NOMO1: variants seen among roughly 807,000 people sequenced by gnomAD.
NOMO1 encodes the protein nodal modulator 3.
A neutral mutation model predicts 133.8 loss-of-function variants in NOMO1; 40 were observed. The ratio of observed to expected loss-of-function variants is 0.30; its 90% confidence interval spans 0.23 to 0.39. The LOEUF is 0.39. NOMO1 is among the 10% of genes least tolerant of loss of function. NOMO1 has a pLI of 1.00. For synonymous variants in NOMO1, 236 were observed against 570.5 expected, an observed-to-expected ratio of 0.41 and a Z score of 8.36; for missense variants, 462 against 1,419.9, an observed-to-expected ratio of 0.33 and a Z score of 10.84.
intron 5 of NOMO1, among the ~76,000 whole-genome samples, chr16:14,847,896 A>G (rs1308763484): frequency 6.6e-6 from 1 of 152,060 alleles, no homozygotes; most frequent in Admixed American, 6.5e-5. Flanking sequence ...TGTAGCAGGA[A>G]TATGAAGCTG....
chr16:14,872,089 T>C (rs1597107182), intron 17 of NOMO1, 145 bp from the exon 18 acceptor site: 2 of 822,354 alleles, frequency 2.4e-6, no homozygotes, highest in East Asian at 4.9e-5. Flanking sequence ...AAAATACTTC[T>C]CTGGATCTCC....
chr16:14,879,134 G>A (rs796900416), intron 23 of NOMO1, among the ~76,000 whole-genome samples: 1 of 151,912 alleles, frequency 6.6e-6, no homozygotes, highest in African/African-American at 2.4e-5. Flanking sequence ...GTTTTGCCAC[G>A]GAATCATGCT....
chr16:14,867,168 A>G (rs1488409230), intron 15 of NOMO1, among the ~76,000 whole-genome samples: 9 of 16,314 alleles, frequency 5.5e-4, no homozygotes, highest in Admixed American at 1.3e-3. Flanking sequence ...ATATATATAT[A>G]TATATATATT....
chr16:14,866,833 A>G, intron 15 of NOMO1, 142 bp downstream of exon 15: 4 of 1,563,458 alleles, frequency 2.6e-6, no homozygotes, highest in Non-Finnish European at 2.6e-6. Flanking sequence ...CTGTTACGCA[A>G]CGCATAATCA....
At chr16:14,871,421 G>C (rs1469544631) in intron 16 of NOMO1, among the ~76,000 whole-genome samples, 200 bp from the exon 17 acceptor site, 1 of 152,100 alleles carries the variant, frequency 6.6e-6, no homozygotes, top group Non-Finnish European at 1.5e-5. Flanking sequence ...TCGCGCCATT[G>C]CATGGATCGG....
chr16:14,892,036 T>A (rs1407819171), intron 29 of NOMO1, among the ~76,000 whole-genome samples: 5 of 151,376 alleles, frequency 3.3e-5, no homozygotes. Context: ...AGGTCAGGAG[T>A]TCGAGACCAG....
intron 15 of NOMO1, among the ~76,000 whole-genome samples, chr16:14,867,891 A>T (rs1597105068): frequency 7.9e-6 from 1 of 126,372 alleles, no homozygotes; most frequent in East Asian, 2.1e-4. Context: ...TTGTAATAAG[A>T]TCCTTTTTTT....
chr16:14,893,546 T>C (rs1964436168), intron 29 of NOMO1, among the ~76,000 whole-genome samples: 1 of 152,054 alleles, frequency 6.6e-6, no homozygotes, highest in South Asian at 2.1e-4. Context: ...TTCTAAGAGA[T>C]GTCCAAAGAT....
In NOMO1 at chr16:14,875,159, T is replaced by G. The variant is rs62038475; in HGVS notation, c.2178T>G (p.Asn726Lys). ...GGCAGGAGAGGGAGAAAAACGGCAA[T>G]GAGGAAGGCGAAGAAAGAATGACCA... Reference protein sequence around the residue: ...ARRQEREKNGNEEGEERMTKP... With the variant: ...ARRQEREKNGKEEGEERMTKP... Residue 726 changes from asparagine to lysine, a missense_variant, in exon 19 of 31, where the codon AAT becomes AAG. Transcript: ENST00000287667. 1 of 1,567,688 alleles carries G rather than the reference T, an allele frequency of 6.4e-7. No homozygotes were observed. Among genetic ancestry groups the G allele is most frequent in the Non-Finnish European group, 8.7e-7 (1 of 1,149,106 alleles).
At chr16:14,856,426 C>CT (rs1488718155) in intron 9 of NOMO1, among the ~76,000 whole-genome samples, 3 of 150,614 alleles carry the variant, frequency 2.0e-5, no homozygotes, top group South Asian at 2.1e-4. Flanking sequence ...AGGTGGATTT[C>CT]TTTTTTTTTC....
intron 23 of NOMO1, among the ~76,000 whole-genome samples, chr16:14,879,747 A>G (rs1224130719): frequency 6.7e-6 from 1 of 148,576 alleles, no homozygotes; most frequent in Non-Finnish European, 1.5e-5. Context: ...TCAGAAAAAA[A>G]AAAAAAAAAA....
intron 29 of NOMO1, among the ~76,000 whole-genome samples, chr16:14,891,505 C>T (rs539871803): frequency 6.6e-6 from 1 of 151,518 alleles, no homozygotes; most frequent in East Asian, 1.9e-4. Flanking sequence ...TTCTTCATTC[C>T]CAGCTTTTAC....
At chr16:14,850,669 T>C (rs1378832563) in intron 6 of NOMO1, among the ~76,000 whole-genome samples, 1 of 151,616 alleles carries the variant, frequency 6.6e-6, no homozygotes, top group Non-Finnish European at 1.5e-5. Flanking sequence ...TTTATTATTA[T>C]TTTTACTCTG....
chr16:14,856,832 T>C (rs1171761060), intron 9 of NOMO1, among the ~76,000 whole-genome samples: 1 of 151,488 alleles, frequency 6.6e-6, no homozygotes, highest in African/African-American at 2.4e-5. Context: ...GGGCGGGGCA[T>C]CCAAAGTGAT....
chr16:14,836,815 C>T (rs886297363), intron 1 of NOMO1, among the ~76,000 whole-genome samples: 1 of 150,538 alleles, frequency 6.6e-6, no homozygotes, highest in African/African-American at 2.4e-5. Context: ...ACGCCATTCT[C>T]CTGCCTCAGC....
At chr16:14,879,943 G>A (rs1193155324) in intron 23 of NOMO1, 72 bp from the exon 24 acceptor site, 12 of 1,605,546 alleles carry the variant, frequency 7.5e-6, no homozygotes, top group Middle Eastern at 2.3e-4. Flanking sequence ...CTGGTCCATC[G>A]TGACATTCGC....
intron 29 of NOMO1, among the ~76,000 whole-genome samples, chr16:14,891,333 G>C (rs1964402536): frequency 6.7e-6 from 1 of 149,744 alleles, no homozygotes; most frequent in African/African-American, 2.5e-5. Context: ...TCAGCTCTTT[G>C]TATACTAGGA....
intron 16 of NOMO1, 71 bp downstream of exon 16, chr16:14,868,706 AT>A: frequency 5.2e-6 from 5 of 962,414 alleles, no homozygotes; most frequent in Non-Finnish European, 6.6e-6. Flanking sequence ...TTTTGAAGGC[AT>A]TTTTTTCTAC....
At chr16:14,846,791 A>G in intron 5 of NOMO1, 108 bp downstream of exon 5, 2 of 1,595,810 alleles carry the variant, frequency 1.3e-6, no homozygotes, top group East Asian at 2.2e-5. Context: ...TCAGATCCTG[A>G]TTCAGCCTCT....
Sources: gnomAD v4.1 joint callset for allele counts (sites outside exome capture counted in the v4.1 genomes callset) on GRCh38, gnomAD v4.1.1 for gene constraint, MANE v1.5 for transcripts, NCBI Gene and HGNC (gene_info 2026-07-23, HGNC 2026-07-21) for gene names.